Variants in CSMD1 observed in about 807,000 individuals in gnomAD.
The protein encoded by CSMD1 is CUB and sushi domain-containing protein 1.
A neutral mutation model predicts 417.5 loss-of-function variants in CSMD1; 213 were observed. The ratio of observed to expected loss-of-function variants is 0.51; its 90% CI spans 0.46 to 0.57. The LOEUF (loss-of-function observed/expected upper bound fraction) is 0.57, where lower values mean the gene tolerates loss of function less well. Among genes scored for constraint, CSMD1 ranks in the 20% least tolerant of loss-of-function variants. CSMD1 has a pLI of 0.00. For missense variants in CSMD1, 6,923 were observed against 4,529.7 expected (o/e 1.53, Z -15.17); for synonymous variants, 2,862 against 1,736.8 (o/e 1.65, Z -16.11).
chr8:3,694,428 G>A (rs977313513), intron 7 of CSMD1, among the ~76,000 whole-genome samples: 4 of 152,174 alleles, frequency 2.6e-5, no homozygotes, highest in African/African-American at 4.8e-5. Flanking sequence ...GAGTAACTGT[G>A]TCAGGCAGAC....
rs759835225 is a variant in CSMD1 at position 4,976,487 on chromosome 8, T to C, written c.85+17845A>G. 5.5e-4 allele frequency among the ~76,000 whole-genome samples: 84 copies of C among 152,344 alleles called. No individual in the cohort carries two copies. The Middle Eastern group carries it at 0.014, about 25-fold the overall frequency. ...AACTGACTTCACAATGCTCCTATAA[T>C]ATTACGTTGTTTTTTATCCTTACCT... On this transcript the variant is annotated intron_variant, in intron 1 of 69. Coordinates refer to ENST00000635120, the MANE Select transcript of CSMD1 (RefSeq NM_033225.6).
chr8:4,516,152 C>T (rs1390182211), intron 2 of CSMD1, among the ~76,000 whole-genome samples: 1 of 151,908 alleles, frequency 6.6e-6, no homozygotes, highest in African/African-American at 2.4e-5. Context: ...CATGCAGGGG[C>T]CCTAATCCAA....
At chr8:4,812,551 T>C (rs1238725239) in intron 1 of CSMD1, among the ~76,000 whole-genome samples, 1 of 152,162 alleles carries the variant, frequency 6.6e-6, no homozygotes, top group African/African-American at 2.4e-5. Flanking sequence ...ATATCACATA[T>C]ACCACATGAA....
Position 4,038,575 on chromosome 8 carries a change from T to A in CSMD1, c.416-6476A>T, listed in dbSNP as rs1320088385. On this transcript the variant is annotated intron_variant, in intron 3 of 69. Coordinates refer to ENST00000635120, the MANE Select transcript of CSMD1 (RefSeq NM_033225.6). Reference sequence around the variant, plus strand: ...CCTGAAGATTATGCATGTCTCTTTGTGACTCCCAGAAGTAATGAATACACA... The same window carrying A: ...CCTGAAGATTATGCATGTCTCTTTGAGACTCCCAGAAGTAATGAATACACA... Among the ~76,000 whole-genome samples the A allele has an allele frequency of 5.3e-5, 8 of 152,242 alleles. No individual in the cohort carries two copies. In the East Asian group the frequency reaches 1.2e-3, roughly 22 times the overall value.
At chr8:3,723,972 G>T (rs1234070824) in intron 6 of CSMD1, among the ~76,000 whole-genome samples, 2 of 51,486 alleles carry the variant, frequency 3.9e-5, no homozygotes. Flanking sequence ...TTAATGTTGT[G>T]TGAAAGAAAA....
chr8:4,248,868 C>T (rs1802873327), intron 3 of CSMD1, among the ~76,000 whole-genome samples: 1 of 151,428 alleles, frequency 6.6e-6, no homozygotes, highest in African/African-American at 2.4e-5. Context: ...TCAAAAGTCA[C>T]TCAACAGTTT....
In CSMD1 at chr8:4,971,382, A is replaced by C. The variant is rs188664580; in HGVS notation, c.85+22950T>G. On this transcript the variant is annotated intron_variant, in intron 1 of 69. Coordinates refer to ENST00000635120, the MANE Select transcript of CSMD1 (RefSeq NM_033225.6). ...ATGGTAAAATAGAAAATACTTATAAAGAAATGTTTAGAAGAAACTCTTTTC... is the reference window on the plus strand; with the variant it reads ...ATGGTAAAATAGAAAATACTTATAACGAAATGTTTAGAAGAAACTCTTTTC... 2.6e-5 allele frequency among the ~76,000 whole-genome samples: 4 copies of C among 152,244 alleles called. No individual in the cohort carries two copies. The East Asian group carries it at 7.7e-4, about 29-fold the overall frequency.
At chr8:4,990,698 G>A (rs1393500342) in intron 1 of CSMD1, among the ~76,000 whole-genome samples, 3 of 152,086 alleles carry the variant, frequency 2.0e-5, no homozygotes, top group Non-Finnish European at 4.4e-5. Flanking sequence ...GGTTTCCTGC[G>A]AAAGTATCTT....
intron 49 of CSMD1, among the ~76,000 whole-genome samples, chr8:3,074,450 A>T (rs1813506587): frequency 6.6e-6 from 1 of 152,164 alleles, no homozygotes; most frequent in Admixed American, 6.5e-5. Context: ...TCCTCTTAGG[A>T]TTCTACCTTC....
intron 5 of CSMD1, among the ~76,000 whole-genome samples, chr8:3,860,055 C>A (rs1041290064): frequency 2.0e-4 from 30 of 151,954 alleles, no homozygotes; most frequent in African/African-American, 6.3e-4. Flanking sequence ...TGCCCTTGCG[C>A]TTTGCAGTAT....
intron 1 of CSMD1, among the ~76,000 whole-genome samples, chr8:4,880,873 A>C (rs2116954567): frequency 6.6e-6 from 1 of 152,264 alleles, no homozygotes; most frequent in African/African-American, 2.4e-5. Context: ...AGTATTATTC[A>C]TGCTTTATAG....
chr8:3,803,407 G>C (rs920040207), intron 5 of CSMD1, among the ~76,000 whole-genome samples: 1 of 152,206 alleles, frequency 6.6e-6, no homozygotes, highest in South Asian at 2.1e-4. Context: ...GAAACAGGTA[G>C]TGTAGGTAGA....
intron 3 of CSMD1, among the ~76,000 whole-genome samples, chr8:4,131,365 A>G (rs777915816): frequency 6.6e-6 from 1 of 152,110 alleles, no homozygotes. Flanking sequence ...ACGCTCCTCA[A>G]AATAATATTC....
intron 2 of CSMD1, among the ~76,000 whole-genome samples, chr8:4,544,418 T>C (rs1797545234): frequency 6.6e-6 from 1 of 152,146 alleles, no homozygotes; most frequent in South Asian, 2.1e-4. Context: ...ATTACAGTAG[T>C]TATAAAATTT....
intron 2 of CSMD1, among the ~76,000 whole-genome samples, chr8:4,439,273 A>G (rs903998860): frequency 1.3e-5 from 2 of 152,186 alleles, no homozygotes; most frequent in African/African-American, 4.8e-5. Context: ...CAACTACTAA[A>G]TTGAAAATGA....
chr8:4,071,308 G>C (rs73187990), intron 3 of CSMD1, among the ~76,000 whole-genome samples: 17,167 of 151,930 alleles, frequency 0.11, 1,116 homozygotes, highest in Middle Eastern at 0.18. Flanking sequence ...ATATTCTACT[G>C]ATTAGATAAT....
At position 4,165,632 on chromosome 8, in the gene CSMD1, G is replaced by A. The variant is rs571196238; in HGVS notation, c.416-133533C>T. On this transcript the variant is annotated intron_variant, in intron 3 of 69. Transcript: ENST00000635120. Reference sequence around the variant, plus strand: ...TGCCCAGGCTTGGCTTGAACTCCTTGACACAAGGGATCATTGAACCTTGGC... The same window carrying A: ...TGCCCAGGCTTGGCTTGAACTCCTTAACACAAGGGATCATTGAACCTTGGC... Among the ~76,000 whole-genome samples, 4 of 152,236 alleles carry A rather than the reference G, an allele frequency of 2.6e-5. No individual in the cohort carries two copies. In the East Asian group the frequency reaches 7.7e-4, roughly 29 times the overall value.
intron 1 of CSMD1, among the ~76,000 whole-genome samples, chr8:4,758,809 C>G (rs967347671): frequency 6.6e-5 from 10 of 152,114 alleles, no homozygotes; most frequent in Admixed American, 6.6e-4. Context: ...AACCTTCCCC[C>G]ATAATCCAAC....
At chr8:4,321,780 A>G (rs1394626872) in intron 3 of CSMD1, among the ~76,000 whole-genome samples, 1 of 152,134 alleles carries the variant, frequency 6.6e-6, no homozygotes, top group Non-Finnish European at 1.5e-5. Flanking sequence ...GAAAATTTAC[A>G]ATTTTTTTTC....
Sources: gnomAD v4.1 joint callset for allele counts (sites outside exome capture counted in the v4.1 genomes callset) on GRCh38, gnomAD v4.1.1 for gene constraint, MANE v1.5 for transcripts, NCBI Gene and HGNC (gene_info 2026-07-23, HGNC 2026-07-21) for gene names.